GRIK5: variants seen among roughly 807,000 people sequenced by gnomAD.
GRIK5 encodes the protein glutamate receptor ionotropic, kainate 5.
A neutral mutation model predicts 97.4 loss-of-function variants in GRIK5; 43 were observed. The ratio of observed to expected loss-of-function variants is 0.44; its 90% CI spans 0.35 to 0.57. The LOEUF (loss-of-function observed/expected upper bound fraction) is 0.57. GRIK5 is among the 20% of genes least tolerant of loss of function. The probability of loss-of-function intolerance (pLI) is 0.01; values close to 1 mark genes in which losing one functional copy is unlikely to be tolerated. For synonymous variants in GRIK5, 580 were observed against 583.5 expected (o/e 0.99, Z 0.09); for missense variants, 1,015 against 1,382.0 (o/e 0.73, Z 4.21).
chr19:42,016,715 C>T (rs950500594), intron 15 of GRIK5, among the ~76,000 whole-genome samples: 1 of 152,172 alleles, frequency 6.6e-6, no homozygotes, highest in Non-Finnish European at 1.5e-5. Context: ...TGTTAGTATG[C>T]GCATAGCATG....
Position 41,998,747 on chromosome 19 carries a change from C to T in GRIK5, c.*124G>A. 1 of 376,432 alleles carries T rather than the reference C, an allele frequency of 2.7e-6. No homozygotes were observed. Among genetic ancestry groups the T allele is most frequent in the Non-Finnish European group, 3.8e-6 (1 of 261,782 alleles). 23.3% of individuals were successfully genotyped at this position (376,432 alleles called of 1,614,324 possible). A position where few individuals can be genotyped will look rare whatever the true frequency, so the allele number is the denominator to read the frequency against. ...TCGCGGGGAACCAAAGGCAAAATCG[C>T]GGCGTCCGGGGCGCCGGCGCACAAG... On this transcript the variant is annotated 3_prime_UTR_variant, in exon 20 of 20. Coordinates refer to ENST00000593562, the MANE Select transcript of GRIK5 (RefSeq NM_002088.5).
chr19:42,050,424 C>T (rs1423535416), intron 11 of GRIK5, among the ~76,000 whole-genome samples: 2 of 152,040 alleles, frequency 1.3e-5, no homozygotes, highest in East Asian at 3.9e-4. Context: ...CTTTGGGAGG[C>T]CGAGACGGGC....
At chr19:42,055,434 T>C (rs868506108) in intron 8 of GRIK5, among the ~76,000 whole-genome samples, 25 of 152,204 alleles carry the variant, frequency 1.6e-4, no homozygotes, top group African/African-American at 6.0e-4. Flanking sequence ...AATATGCATC[T>C]TTTGTATGCT....
chr19:42,047,368 C>T (rs1424051559), intron 11 of GRIK5, among the ~76,000 whole-genome samples: 3 of 151,364 alleles, frequency 2.0e-5, no homozygotes, highest in Non-Finnish European at 2.9e-5. Context: ...AGGAAGACCC[C>T]GTCTCAATAA....
At chr19:42,017,624 A>T (rs2075640195) in intron 15 of GRIK5, among the ~76,000 whole-genome samples, 1 of 152,242 alleles carries the variant, frequency 6.6e-6, no homozygotes, top group African/African-American at 2.4e-5. Context: ...GGAGGAAACC[A>T]GGAGGACACA....
At chr19:42,033,571 G>A (rs951131282) in intron 12 of GRIK5, among the ~76,000 whole-genome samples, 2 of 152,074 alleles carry the variant, frequency 1.3e-5, no homozygotes, top group Non-Finnish European at 2.9e-5. Flanking sequence ...TTTATGGGAG[G>A]TTATGAAAAC....
intron 17 of GRIK5, among the ~76,000 whole-genome samples, chr19:42,004,185 C>T (rs1555871843): frequency 6.6e-6 from 1 of 152,208 alleles, no homozygotes; most frequent in Non-Finnish European, 1.5e-5. Context: ...CTTTAATTTA[C>T]TTTGGAGCAG....
chr19:42,045,232 T>A (rs1023898127), intron 11 of GRIK5, among the ~76,000 whole-genome samples: 1 of 152,246 alleles, frequency 6.6e-6, no homozygotes, highest in South Asian at 2.1e-4. Flanking sequence ...CTTCTTGGTC[T>A]GAGCTGGCCT....
chr19:42,012,253 T>A (rs1228495851), intron 15 of GRIK5, among the ~76,000 whole-genome samples: 1 of 151,904 alleles, frequency 6.6e-6, no homozygotes, highest in Non-Finnish European at 1.5e-5. Context: ...TATGTATGTA[T>A]GTATTTATTT....
chr19:42,010,248 A>T lies in GRIK5; in HGVS notation c.1872-3438T>A, dbSNP rs79218677. ...AGGAGAGAAAGGGATAACCAAAAAA[A>T]AGTCTGATGAAGTAATGGCCTACAA... On this transcript the variant is annotated intron_variant, in intron 15 of 19. Coordinates refer to ENST00000593562, the MANE Select transcript of GRIK5 (RefSeq NM_002088.5). Among the ~76,000 whole-genome samples, 775 of 152,304 alleles carry T rather than the reference A, an allele frequency of 5.1e-3. 20 individuals are homozygous for T. The highest frequency in any genetic ancestry group is 0.022 in the East Asian group (115 of 5,190).
rs2075991056 is a variant in GRIK5 at position 42,042,585 on chromosome 19, G to A, written c.1440C>T (p.Ser480=). ...GLYGAPEPNG[S]WTGMVGELIN... is the part of the protein sequence containing the mutation. ...TGAGCTCGCCAACCATGCCCGTCCA[G>A]GAGCCGTTGGGCTCGGGCGCCCCGT... The change falls in exon 12 of 20, where the codon TCC becomes TCT. Residue 480 remains serine (S), a synonymous_variant. Transcript: ENST00000593562. The surrounding 1 kb of genome is among the most constrained non-coding windows in gnomAD (Gnocchi z 6.9). The A allele has an allele frequency of 6.2e-7, 1 of 1,611,890 alleles. No individual in the cohort carries two copies. The highest frequency in any genetic ancestry group is 1.3e-5 in the African/African-American group (1 of 75,058).
In GRIK5 at chr19:42,002,712, C is replaced by T. The variant is rs1271978521; in HGVS notation, c.2514+620G>A. The stretch of plus-strand genomic sequence containing the variant: ...TGGGCGGCCCCCAGGGACATGGAAG[C>T]AGCCCTCCTGAACACAGTGTGGGAC... On this transcript the variant is annotated intron_variant, in intron 19 of 19. Transcript: ENST00000593562. This position sits in a 1 kb window ranked among gnomAD's most constrained non-coding sequence, Gnocchi z 5.2. Among the ~76,000 whole-genome samples, 3 of 152,118 alleles carry T rather than the reference C, an allele frequency of 2.0e-5. No individual in the cohort carries two copies. Among genetic ancestry groups the T allele is most frequent in the African/African-American group, 7.2e-5 (3 of 41,410 alleles).
At chr19:42,041,604 T>C (rs757964372) in intron 12 of GRIK5, among the ~76,000 whole-genome samples, 2 of 152,048 alleles carry the variant, frequency 1.3e-5, no homozygotes, top group African/African-American at 2.4e-5. Context: ...AAAGATCCTT[T>C]CCACTGCACC....
chr19:42,008,032 A>AT, intron 15 of GRIK5, among the ~76,000 whole-genome samples: 1 of 152,038 alleles, frequency 6.6e-6, no homozygotes, highest in African/African-American at 2.4e-5. Context: ...TCTGTTATGT[A>AT]ATTTTTTTTT....
At chr19:42,028,558 AT>A (rs2075800023) in intron 12 of GRIK5, among the ~76,000 whole-genome samples, 1 of 152,178 alleles carries the variant, frequency 6.6e-6, no homozygotes, top group South Asian at 2.1e-4. Context: ...CAGCTTCCCA[AT>A]ATCTACAAAC....
intron 11 of GRIK5, among the ~76,000 whole-genome samples, chr19:42,048,915 G>A (rs902773962): frequency 8.6e-5 from 13 of 151,944 alleles, no homozygotes; most frequent in African/African-American, 2.7e-4. Context: ...GGTGGTGCAC[G>A]ACTGTGGTCC....
In GRIK5 at chr19:41,999,309, G is replaced by A; in HGVS notation, c.2515-10C>T. 4.6e-6 allele frequency: 7 copies of A among 1,507,380 alleles called. No individual in the cohort carries two copies. The highest frequency in any genetic ancestry group is 6.2e-6 in the Non-Finnish European group (7 of 1,135,014). 93.4% of individuals were successfully genotyped at this position (1,507,380 alleles called of 1,614,324 possible). A position where few individuals can be genotyped will look rare whatever the true frequency, so the allele number is the denominator to read the frequency against. ...CCTGGCACACCGACACCTGGGGGTG[G>A]CGCGGGCGGTCACCGTCCCGGCGCA... is the stretch of plus-strand genomic sequence containing the variant. On this transcript the variant is annotated splice_polypyrimidine_tract_variant and intron_variant, in intron 19 of 19. Coordinates refer to ENST00000593562, the MANE Select transcript of GRIK5 (RefSeq NM_002088.5). This position sits in a 1 kb window ranked among gnomAD's most constrained non-coding sequence, Gnocchi z 5.0.
intron 9 of GRIK5, among the ~76,000 whole-genome samples, 182 bp downstream of exon 9, chr19:42,054,138 A>G (rs1205605252): frequency 3.3e-5 from 5 of 152,144 alleles, no homozygotes; most frequent in Admixed American, 3.3e-4. Flanking sequence ...GAAGAGGGCA[A>G]GACTCAGAAA....
At chr19:42,023,109 A>C (rs1420441925) in intron 12 of GRIK5, among the ~76,000 whole-genome samples, 1 of 151,964 alleles carries the variant, frequency 6.6e-6, no homozygotes, top group Non-Finnish European at 1.5e-5. Context: ...GGTCAAAGAG[A>C]GAGCAGACAG....
Sources: allele counts gnomAD v4.1 joint callset (sites outside exome capture counted in the v4.1 genomes callset), GRCh38; gene constraint gnomAD v4.1.1; non-coding constraint Gnocchi (gnomAD v3.1); transcripts MANE v1.5; gene names NCBI Gene and HGNC (gene_info 2026-07-23, HGNC 2026-07-21).